The following SGSM1 variants were observed in gnomAD, a reference collection of about 807,000 sequenced individuals.
SGSM1 encodes the protein RUN and TBC1 domain containing 2.
In SGSM1, 73 loss-of-function variants were observed where a neutral mutation model predicts 133.8. That is an observed-to-expected ratio of 0.55 (90% CI 0.45 to 0.66). The LOEUF is 0.66. SGSM1 is among the 30% of genes least tolerant of loss of function. SGSM1 has a pLI of 0.00. For synonymous variants in SGSM1, 563 were observed against 573.0 expected (o/e 0.98, Z 0.25); for missense variants, 1,213 against 1,448.1 (o/e 0.84, Z 2.64).
rs147658489 is a variant in SGSM1, at chr22:24,923,493, T to G, written c.3194-693T>G. 1.4e-4 allele frequency among the ~76,000 whole-genome samples: 21 copies of G among 152,370 alleles called. No individual in the cohort carries two copies. The East Asian group carries it at 4.0e-3, about 29-fold the overall frequency. On this transcript the variant is annotated intron_variant, in intron 24 of 24. Transcript: ENST00000400358. ...TGGTTTTTTTGTCCCTTTCTCCTCTTCCTTCTCCATCTTTCCTCCCTCTGT... is the reference window on the plus strand; with the variant it reads ...TGGTTTTTTTGTCCCTTTCTCCTCTGCCTTCTCCATCTTTCCTCCCTCTGT...
intron 2 of SGSM1, among the ~76,000 whole-genome samples, chr22:24,816,016 T>C (rs1928053393): frequency 6.6e-6 from 1 of 152,232 alleles, no homozygotes; most frequent in Middle Eastern, 3.2e-3. Flanking sequence ...TATGGGATAG[T>C]TGGGCCAGTT....
chr22:24,926,224 C>A lies in SGSM1; in HGVS notation c.*1950C>A, dbSNP rs1250020877. ...ACTTCAACTGCACCTGAACCTCCAA[C>A]CTCTGCCCAGCCTCTGGTGCAGGGT... On this transcript the variant is annotated 3_prime_UTR_variant, in exon 25 of 25. Coordinates refer to ENST00000400358, the MANE Select transcript of SGSM1 (RefSeq NM_001098497.3). 6.6e-6 allele frequency: 1 copy of A among 152,252 alleles called. No homozygotes were observed. The highest frequency in any genetic ancestry group is 2.4e-5 in the African/African-American group (1 of 41,454). The allele number at this position is 152,252 out of a possible 1,614,324, so 9.4% of individuals were successfully genotyped here. A position where few individuals can be genotyped will look rare whatever the true frequency, so the allele number is the denominator to read the frequency against.
chr22:24,866,614 G>A (rs957698025), intron 9 of SGSM1, among the ~76,000 whole-genome samples: 4 of 152,206 alleles, frequency 2.6e-5, no homozygotes, highest in Admixed American at 2.6e-4. Context: ...CCTGTCTTTT[G>A]ACACCATTCT....
intron 12 of SGSM1, among the ~76,000 whole-genome samples, chr22:24,874,014 G>A (rs1931894694): frequency 6.6e-6 from 1 of 152,198 alleles, no homozygotes; most frequent in Non-Finnish European, 1.5e-5. Context: ...GCAGTTGTTA[G>A]TGGAAAGAGG....
Position 24,855,585 on chromosome 22 carries a change from C to T in SGSM1, c.706C>T (p.Arg236Trp), listed in dbSNP as rs371782129. The change falls in exon 8 of 25, where the codon CGG becomes TGG. Residue 236 changes from arginine (R) to tryptophan (W), a missense_variant. Coordinates refer to ENST00000400358, the MANE Select transcript of SGSM1 (RefSeq NM_001098497.3). ...GCATTCCAGTGGCAGCATGGATGAC[C>T]GGCCATCCCTCTCTGCCCGCGACTA... Reference protein sequence around the residue: ...KRHSSGSMDDRPSLSARDYVE... With the variant: ...KRHSSGSMDDWPSLSARDYVE... The T allele has an allele frequency of 1.7e-5, 28 of 1,613,738 alleles. No homozygotes were observed. The highest frequency in any genetic ancestry group is 2.2e-5 in the East Asian group (1 of 44,884).
rs1392550423 is a variant in SGSM1 at position 24,855,570 on chromosome 22, G to A, written c.691G>A (p.Gly231Ser). ...ALCIQKRHSSGSMDDRPSLSA... is the reference protein window; with the variant it reads ...ALCIQKRHSSSSMDDRPSLSA... ...CCAGATCCAGAAGAGGCATTCCAGT[G>A]GCAGCATGGATGACCGGCCATCCCT... Residue 231 changes from glycine (G) to serine (S), a missense_variant, in exon 8 of 25, where the codon GGC becomes AGC. By Grantham distance (56) the Gly-to-Ser change is moderately conservative. Coordinates refer to ENST00000400358, the MANE Select transcript of SGSM1 (RefSeq NM_001098497.3). The A allele has an allele frequency of 1.2e-6, 2 of 1,613,826 alleles. No homozygotes were observed. The highest frequency in any genetic ancestry group is 2.7e-5 in the African/African-American group (2 of 75,010).
intron 8 of SGSM1, 178 bp from the exon 9 acceptor site, chr22:24,859,538 C>T (rs763703653): frequency 2.0e-4 from 167 of 840,280 alleles, no homozygotes; most frequent in Non-Finnish European, 3.1e-4. Flanking sequence ...CTGCAAATGG[C>T]TTTGCTTAGC....
chr22:24,868,702 T>A, intron 11 of SGSM1, 21 bp from the exon 12 acceptor site: 1 of 1,613,394 alleles, frequency 6.2e-7, no homozygotes, highest in East Asian at 2.2e-5. Flanking sequence ...AAGGACCTTG[T>A]TTTGGGACAT....
In SGSM1 at chr22:24,855,540, C is replaced by A; in HGVS notation, c.670-9C>A. On this transcript the variant is annotated splice_polypyrimidine_tract_variant and intron_variant, in intron 7 of 24. Transcript: ENST00000400358. ...CCTCATCCCTCTGTCTCCCGTCACTCTCTACCAGATCCAGAAGAGGCATTC... is the reference window on the plus strand; with the variant it reads ...CCTCATCCCTCTGTCTCCCGTCACTATCTACCAGATCCAGAAGAGGCATTC... 1 of 1,613,860 alleles carries A rather than the reference C, an allele frequency of 6.2e-7. No homozygotes were observed. The highest frequency in any genetic ancestry group is 8.5e-7 in the Non-Finnish European group (1 of 1,179,816).
intron 4 of SGSM1, among the ~76,000 whole-genome samples, chr22:24,848,183 G>A (rs552260518): frequency 3.9e-4 from 59 of 151,564 alleles, no homozygotes; most frequent in Non-Finnish European, 6.6e-4. Context: ...CTTCATGAGA[G>A]CAGGCAACTA....
In SGSM1 at chr22:24,884,180, G is replaced by A. The variant is rs777693284; in HGVS notation, c.1623G>A (p.Gln541=). 2.5e-6 allele frequency: 4 copies of A among 1,613,948 alleles called. No homozygotes were observed. Among genetic ancestry groups the A allele is most frequent in the East Asian group, 4.5e-5 (2 of 44,878 alleles). ...GQGLTARIWE[Q]YLHDSTSYEE... ...GACTGACAGCCAGGATCTGGGAGCA[G>A]TACCTTCACGACAGCACAGTAAGGC... Residue 541 remains glutamine, a synonymous_variant, in exon 15 of 25, where the codon CAG becomes CAA. Coordinates refer to ENST00000400358, the MANE Select transcript of SGSM1 (RefSeq NM_001098497.3).
intron 22 of SGSM1, among the ~76,000 whole-genome samples, chr22:24,914,029 G>A (rs1270865415): frequency 6.6e-6 from 1 of 152,016 alleles, no homozygotes; most frequent in Non-Finnish European, 1.5e-5. Context: ...AGTGACTCAA[G>A]CCTGTAATCC....
At chr22:24,899,518 C>CTTTT (rs56027362) in intron 19 of SGSM1, among the ~76,000 whole-genome samples, 2 of 133,870 alleles carry the variant, frequency 1.5e-5, no homozygotes, top group Non-Finnish European at 1.6e-5. Context: ...CTTTTCTTTT[C>CTTTT]TTTTTTTTTT....
rs892409127 is a variant in SGSM1 at position 24,895,255 on chromosome 22, C to T, written c.1986C>T (p.Asn662=). Residue 662 remains asparagine, a synonymous_variant, in exon 18 of 25, where the codon AAC becomes AAT. Transcript: ENST00000400358. ...AGAGCTGCAGTTCGGGCCGCCAGAA[C>T]ATCCGCCTGCACAGCGACTCCAGCA... is the stretch of plus-strand genomic sequence containing the variant. The part of the protein sequence containing the change: ...SSQSCSSGRQ[N]IRLHSDSSSS... The T allele has an allele frequency of 1.2e-6, 2 of 1,612,116 alleles. No individual in the cohort carries two copies. Among genetic ancestry groups the T allele is most frequent in the African/African-American group, 2.7e-5 (2 of 74,882 alleles).
chr22:24,919,690 C>T, intron 23 of SGSM1, 136 bp from the exon 24 acceptor site: 1 of 842,252 alleles, frequency 1.2e-6, no homozygotes, highest in South Asian at 1.7e-5. Flanking sequence ...GACCTGAGTT[C>T]TATCCACTGC....
intron 12 of SGSM1, 46 bp from the exon 13 acceptor site, chr22:24,876,531 G>A: frequency 6.2e-7 from 1 of 1,611,680 alleles, no homozygotes; most frequent in Non-Finnish European, 8.5e-7. Context: ...GACCCACATA[G>A]GTTTAACCAG....
At chr22:24,816,905 G>A (rs1179164053) in intron 2 of SGSM1, among the ~76,000 whole-genome samples, 2 of 152,172 alleles carry the variant, frequency 1.3e-5, no homozygotes, top group Non-Finnish European at 2.9e-5. Context: ...CTCTTCCTAA[G>A]GGTTCTAGCC....
At chr22:24,894,155 G>A (rs540410673) in intron 17 of SGSM1, among the ~76,000 whole-genome samples, 2 of 152,314 alleles carry the variant, frequency 1.3e-5, no homozygotes, top group African/African-American at 2.4e-5. Context: ...TGTAATCCCA[G>A]TACTTTGGGA....
At chr22:24,887,041 C>T (rs5996785) in intron 16 of SGSM1, among the ~76,000 whole-genome samples, 4,166 of 151,750 alleles carry the variant, frequency 0.027, 185 homozygotes, top group African/African-American at 0.095. Context: ...AATATCGGAA[C>T]CAGAAGATTG....
Sources: gnomAD v4.1 joint callset for allele counts (sites outside exome capture counted in the v4.1 genomes callset) on GRCh38, gnomAD v4.1.1 for gene constraint, MANE v1.5 for transcripts, NCBI Gene and HGNC (gene_info 2026-07-23, HGNC 2026-07-21) for gene names.